GNB5: variants seen among roughly 807,000 people sequenced by gnomAD.
The protein encoded by GNB5 is guanine nucleotide-binding protein subunit beta-5.
A neutral mutation model predicts 55.3 loss-of-function variants in GNB5; 37 were observed. The ratio of observed to expected loss-of-function variants is 0.67; its 90% confidence interval spans 0.51 to 0.88. The LOEUF (loss-of-function observed/expected upper bound fraction) is 0.88. Ranked by LOEUF, GNB5 falls within the 40% of genes least tolerant of loss-of-function variation. The probability of loss-of-function intolerance (pLI) is 0.00; values close to 1 mark genes in which losing one functional copy is unlikely to be tolerated. For synonymous variants in GNB5, 219 were observed against 198.5 expected (o/e 1.10, Z -0.87); for missense variants, 476 against 515.3 (o/e 0.92, Z 0.74).
intron 1 of GNB5, among the ~76,000 whole-genome samples, chr15:52,187,323 G>A (rs1053157365): frequency 2.0e-5 from 3 of 152,154 alleles, no homozygotes; most frequent in Non-Finnish European, 2.9e-5. Context: ...TGTCATCCAC[G>A]TGGATTATTC....
intron 3 of GNB5, among the ~76,000 whole-genome samples, chr15:52,158,467 G>A (rs545823230): frequency 2.0e-5 from 3 of 152,218 alleles, no homozygotes; most frequent in East Asian, 1.9e-4. Context: ...AGTCTTTGGT[G>A]GGCGAACAAA....
chr15:52,138,930 C>T (rs192335612), intron 7 of GNB5: 1 of 152,132 alleles, frequency 6.6e-6, no homozygotes, highest in Non-Finnish European at 1.5e-5. Context: ...AACATTTATT[C>T]ATATAAATGC....
rs189755904 is a variant in GNB5 at position 52,168,751 on chromosome 15, G to T, written c.238+11017C>A. On this transcript the variant is annotated intron_variant, in intron 3 of 12. Transcript: ENST00000261837. ...AAGGCTACAGTAACCAAAACAGCTGGGTACTGGTACAAAAACAGACACACA... is the reference window on the plus strand; with the variant it reads ...AAGGCTACAGTAACCAAAACAGCTGTGTACTGGTACAAAAACAGACACACA... Among the ~76,000 whole-genome samples the T allele has an allele frequency of 2.6e-4, 40 of 152,242 alleles. No homozygotes were observed. The East Asian group carries it at 7.5e-3, about 29-fold the overall frequency.
intron 1 of GNB5, among the ~76,000 whole-genome samples, chr15:52,185,315 A>C (rs2034829210): frequency 6.6e-6 from 1 of 152,240 alleles, no homozygotes; most frequent in African/African-American, 2.4e-5. Flanking sequence ...GTCCCGGCCC[A>C]CCACTGAGGC....
chr15:52,174,451 T>C (rs1258394094), intron 3 of GNB5, among the ~76,000 whole-genome samples: 1 of 152,084 alleles, frequency 6.6e-6, no homozygotes, highest in South Asian at 2.1e-4. Context: ...CAGGAAGCTC[T>C]GTGGGAGGAA....
At chr15:52,137,315 C>T in intron 7 of GNB5, 1 of 1,086,560 alleles carries the variant, frequency 9.2e-7, no homozygotes, top group Non-Finnish European at 1.1e-6. Flanking sequence ...CAGGAGGGTC[C>T]CAAACCCAGT....
intron 7 of GNB5, chr15:52,139,876 C>G: frequency 1.6e-6 from 2 of 1,286,834 alleles, no homozygotes; most frequent in Non-Finnish European, 2.0e-6. Flanking sequence ...TCTGATGGGT[C>G]TCCACAGAGG....
At position 52,139,988 on chromosome 15, in the gene GNB5, A is replaced by G. The variant is rs80008625; in HGVS notation, c.627+1152T>C. On this transcript the variant is annotated intron_variant, in intron 7 of 12. Transcript: ENST00000261837. Reference sequence around the variant, plus strand: ...TTTGCCTCAGGCCCAAAGACATCTCATTTTGGCCACTGCACCAGTCAGTGG... The same window carrying G: ...TTTGCCTCAGGCCCAAAGACATCTCGTTTTGGCCACTGCACCAGTCAGTGG... 2.6e-3 allele frequency: 3,233 copies of G among 1,252,758 alleles called. 84 individuals are homozygous for G. The Admixed American group carries it at 0.037, about 14-fold the overall frequency. The allele number at this position is 1,252,758 out of a possible 1,614,324, so 77.6% of individuals were successfully genotyped here.
intron 7 of GNB5, among the ~76,000 whole-genome samples, chr15:52,140,876 C>G (rs2033836598): frequency 6.6e-6 from 1 of 152,232 alleles, no homozygotes; most frequent in African/African-American, 2.4e-5. Context: ...CCCTGCTCCA[C>G]TCCCACCCTC....
At chr15:52,179,192 G>A (rs542773743) in intron 3 of GNB5, among the ~76,000 whole-genome samples, 1 of 152,110 alleles carries the variant, frequency 6.6e-6, no homozygotes, top group Non-Finnish European at 1.5e-5. Flanking sequence ...CGAACTGAAC[G>A]GTTGAATTTA....
At chr15:52,160,812 C>T (rs974429111) in intron 3 of GNB5, among the ~76,000 whole-genome samples, 21 of 152,230 alleles carry the variant, frequency 1.4e-4, no homozygotes, top group African/African-American at 4.8e-4. Context: ...CCCAGCCTAT[C>T]ATTTTTAATG....
chr15:52,182,667 G>A (rs2034788747), intron 2 of GNB5, among the ~76,000 whole-genome samples: 1 of 152,136 alleles, frequency 6.6e-6, no homozygotes, highest in Admixed American at 6.5e-5. Flanking sequence ...GGCCCAATGG[G>A]GACTGTGTCT....
intron 1 of GNB5, among the ~76,000 whole-genome samples, chr15:52,187,415 T>C (rs1268752868): frequency 1.3e-5 from 2 of 151,972 alleles, no homozygotes; most frequent in Non-Finnish European, 2.9e-5. Flanking sequence ...GAGATTGCTA[T>C]GTTCTGGAGA....
intron 3 of GNB5, among the ~76,000 whole-genome samples, chr15:52,173,787 G>A (rs755401359): frequency 6.6e-6 from 1 of 152,192 alleles, no homozygotes; most frequent in Non-Finnish European, 1.5e-5. Flanking sequence ...CTGGATCTCA[G>A]CTGCTTTTTC....
chr15:52,125,796 A>T, intron 11 of GNB5, 152 bp downstream of exon 11: 1 of 599,556 alleles, frequency 1.7e-6, no homozygotes, highest in South Asian at 2.1e-5. Flanking sequence ...TCAGAAGCTC[A>T]GAGGAGGAAA....
At chr15:52,166,324 G>C (rs919885718) in intron 3 of GNB5, among the ~76,000 whole-genome samples, 3 of 152,156 alleles carry the variant, frequency 2.0e-5, no homozygotes, top group African/African-American at 7.2e-5. Flanking sequence ...CCTGAACTCA[G>C]CTCTGGATGA....
In GNB5 at chr15:52,121,494, GAGA is replaced by G. The variant is rs1309864702; in HGVS notation, c.*1260_*1262del. 11 of 135,212 alleles carry G rather than the reference GAGA, an allele frequency of 8.1e-5. No homozygotes were observed. Among genetic ancestry groups the G allele is most frequent in the African/African-American group, 1.1e-4 (4 of 35,290 alleles). 8.4% of individuals were successfully genotyped at this position (135,212 alleles called of 1,614,324 possible). A position where few individuals can be genotyped will look rare whatever the true frequency, so the allele number is the denominator to read the frequency against. ...GAAGGAATTCTGAGTCTCAAATAAA[GAGA>G]AGATCTTCTTTTAATATCGTTTTTC... On this transcript the variant is annotated 3_prime_UTR_variant, in exon 13 of 13. Coordinates refer to ENST00000261837, the MANE Select transcript of GNB5 (RefSeq NM_016194.4).
intron 9 of GNB5, among the ~76,000 whole-genome samples, chr15:52,130,347 A>T (rs1356633609): frequency 6.6e-6 from 1 of 152,148 alleles, no homozygotes; most frequent in African/African-American, 2.4e-5. Context: ...ATCAAAAGGC[A>T]CCCTGAACAT....
At position 52,120,927 on chromosome 15, in the gene GNB5, C is replaced by T. The variant is rs1234836578; in HGVS notation, c.*1830G>A. The T allele has an allele frequency of 6.6e-6, 1 of 152,242 alleles. No homozygotes were observed. Among genetic ancestry groups the T allele is most frequent in the African/African-American group, 2.4e-5 (1 of 41,454 alleles). 9.4% of individuals were successfully genotyped at this position (152,242 alleles called of 1,614,324 possible). On this transcript the variant is annotated 3_prime_UTR_variant, in exon 13 of 13. Coordinates refer to ENST00000261837, the MANE Select transcript of GNB5 (RefSeq NM_016194.4). ...AATAAAACCACCAGTAACTGCTCTG[C>T]AAATGATCAAATATAATTATTATGT...
Sources: allele counts gnomAD v4.1 joint callset (sites outside exome capture counted in the v4.1 genomes callset), GRCh38; gene constraint gnomAD v4.1.1; transcripts MANE v1.5; gene names NCBI Gene and HGNC (gene_info 2026-07-23, HGNC 2026-07-21).